FGGY: variants seen among roughly 807,000 people sequenced by gnomAD.
FGGY encodes FGGY carbohydrate kinase domain containing, also known as FGGY carbohydrate kinase domain-containing protein.
In FGGY, 72 loss-of-function variants were observed where a neutral mutation model predicts 71.3. The ratio of observed to expected loss-of-function variants is 1.01; its 90% CI spans 0.84 to 1.23. The LOEUF is 1.23. Among genes scored for constraint, FGGY ranks in the 50% most tolerant of loss-of-function variants. The pLI, the probability that FGGY is intolerant of heterozygous loss-of-function variation, is 0.00. For missense variants in FGGY, 668 were observed against 682.3 expected (o/e 0.98, Z 0.23); for synonymous variants, 251 against 250.3 (o/e 1.00, Z -0.02).
intron 6 of FGGY, among the ~76,000 whole-genome samples, chr1:59,510,868 A>C (rs1403141514): frequency 1.3e-5 from 2 of 152,252 alleles, no homozygotes; most frequent in Non-Finnish European, 2.9e-5. Context: ...TTAATCTAGA[A>C]AAAGTAGATT....
chr1:59,413,125 C>T (rs1212695597), intron 5 of FGGY, among the ~76,000 whole-genome samples: 4 of 152,204 alleles, frequency 2.6e-5, no homozygotes, highest in Non-Finnish European at 4.4e-5. Flanking sequence ...GCTCAGATCT[C>T]ATCTAAAGCA....
chr1:59,487,764 C>T (rs1311555329), intron 6 of FGGY, among the ~76,000 whole-genome samples: 1 of 152,054 alleles, frequency 6.6e-6, no homozygotes, highest in Non-Finnish European at 1.5e-5. Flanking sequence ...TCCTTAAGCT[C>T]CCCTACCTCT....
At chr1:59,401,084 AT>A (rs1429485326) in intron 5 of FGGY, among the ~76,000 whole-genome samples, 35 of 152,354 alleles carry the variant, frequency 2.3e-4, no homozygotes, top group African/African-American at 8.2e-4. Context: ...CTCAAAAAAT[AT>A]ACAATGTTCT....
chr1:59,554,444 A>G (rs1052754912), intron 8 of FGGY, among the ~76,000 whole-genome samples: 3 of 152,148 alleles, frequency 2.0e-5, no homozygotes, highest in Admixed American at 6.5e-5. Context: ...GTAAGCATGA[A>G]AAGGATTGAG....
At chr1:59,416,689 C>T (rs893098669) in intron 5 of FGGY, among the ~76,000 whole-genome samples, 3 of 152,154 alleles carry the variant, frequency 2.0e-5, no homozygotes, top group Non-Finnish European at 2.9e-5. Flanking sequence ...CATCTCTGGA[C>T]GTTACATTCT....
chr1:59,666,790 G>A (rs2097330109), intron 12 of FGGY, among the ~76,000 whole-genome samples: 8 of 152,186 alleles, frequency 5.3e-5, no homozygotes, highest in Admixed American at 5.2e-4. Context: ...TATGCAGTTA[G>A]AGCCCTCTTT....
intron 14 of FGGY, among the ~76,000 whole-genome samples, chr1:59,747,281 C>T (rs2098206899): frequency 6.6e-6 from 1 of 152,176 alleles, no homozygotes; most frequent in African/African-American, 2.4e-5. Flanking sequence ...GCTCCCTATT[C>T]ATGTTTGGAT....
At chr1:59,677,313 C>A (rs529892444) in intron 14 of FGGY, among the ~76,000 whole-genome samples, 2 of 152,326 alleles carry the variant, frequency 1.3e-5, no homozygotes, top group South Asian at 4.1e-4. Flanking sequence ...GCCTTCCCCT[C>A]CTTAAGAAAG....
chr1:59,401,782 G>A (rs773276988), intron 5 of FGGY, among the ~76,000 whole-genome samples: 1 of 152,168 alleles, frequency 6.6e-6, no homozygotes, highest in African/African-American at 2.4e-5. Context: ...CAAGTCATAA[G>A]TCATGACTCA....
At chr1:59,297,354 C>G (rs2042098150) in intron 1 of FGGY, among the ~76,000 whole-genome samples, 1 of 152,214 alleles carries the variant, frequency 6.6e-6, no homozygotes, top group Non-Finnish European at 1.5e-5. Context: ...TCACGTCTGG[C>G]TACCGAAGGC....
intron 1 of FGGY, among the ~76,000 whole-genome samples, chr1:59,298,927 A>G (rs2042359284): frequency 6.6e-6 from 1 of 152,222 alleles, no homozygotes. Context: ...TTGGGCCCAG[A>G]ACTGTGGTAG....
chr1:59,374,927 A>AGGGGGGG (rs2058387251), intron 4 of FGGY, among the ~76,000 whole-genome samples: 1 of 9,376 alleles, frequency 1.1e-4, no homozygotes, highest in African/African-American at 4.3e-4. Flanking sequence ...GGGAGGGGGG[A>AGGGGGGG]GGGGGGAGGG....
chr1:59,455,818 G>A (rs1206094561), intron 5 of FGGY, among the ~76,000 whole-genome samples: 1 of 152,194 alleles, frequency 6.6e-6, no homozygotes, highest in Non-Finnish European at 1.5e-5. Context: ...GAATTATCAT[G>A]GTGAAGAAGC....
In FGGY at chr1:59,414,322, C is replaced by T. The variant is rs187397460; in HGVS notation, c.554+35485C>T. Among the ~76,000 whole-genome samples the T allele has an allele frequency of 6.3e-3, 953 of 152,274 alleles. 35 individuals carry two copies. Among genetic ancestry groups the T allele is most frequent in the Admixed American group, 0.058 (894 of 15,294 alleles). Reference sequence around the variant, plus strand: ...GTCCTCACCACAAGTAGGCCTTTATCCAGGTTCTTGTTACCTGGAAATGTG... The same window carrying T: ...GTCCTCACCACAAGTAGGCCTTTATTCAGGTTCTTGTTACCTGGAAATGTG... On this transcript the variant is annotated intron_variant, in intron 5 of 15. Transcript: ENST00000303721.
chr1:59,421,448 A>G (rs1553193221), intron 5 of FGGY, among the ~76,000 whole-genome samples: 1 of 151,966 alleles, frequency 6.6e-6, no homozygotes, highest in Non-Finnish European at 1.5e-5. Flanking sequence ...GGTGTGGTAT[A>G]GTTAAAACTC....
intron 8 of FGGY, among the ~76,000 whole-genome samples, chr1:59,560,040 G>A (rs185372730): frequency 3.0e-4 from 46 of 152,282 alleles, no homozygotes; most frequent in African/African-American, 1.0e-3. Flanking sequence ...GAAAACGGGG[G>A]AAGAGTAATT....
chr1:59,407,941 G>C (rs1328523185), intron 5 of FGGY, among the ~76,000 whole-genome samples: 5 of 152,166 alleles, frequency 3.3e-5, no homozygotes, highest in African/African-American at 1.2e-4. Context: ...TTTCTCATCT[G>C]CTTTCTGCTA....
chr1:59,753,021 G>A (rs1222830336), intron 14 of FGGY, among the ~76,000 whole-genome samples: 1 of 152,030 alleles, frequency 6.6e-6, no homozygotes, highest in African/African-American at 2.4e-5. Context: ...TCATTGTGTG[G>A]GCAAAAGGAA....
intron 5 of FGGY, among the ~76,000 whole-genome samples, chr1:59,412,323 G>A (rs372543618): frequency 3.5e-4 from 37 of 106,252 alleles, no homozygotes; most frequent in African/African-American, 9.1e-4. Flanking sequence ...TCTCTCTATC[G>A]TGGATGGTTC....
Sources: gnomAD v4.1 joint callset for allele counts (sites outside exome capture counted in the v4.1 genomes callset) on GRCh38, gnomAD v4.1.1 for gene constraint, MANE v1.5 for transcripts, NCBI Gene and HGNC (gene_info 2026-07-23, HGNC 2026-07-21) for gene names.